The following CYP3A43 variants were observed in gnomAD, a reference collection of about 807,000 sequenced individuals.
The protein encoded by CYP3A43 is cytochrome P450 family 3 subfamily A member 43, also known as cytochrome P450 3A43.
In CYP3A43, 45 loss-of-function variants were observed where a neutral mutation model predicts 58.0. The observed-to-expected ratio is 0.78, with a 90% CI of 0.61 to 0.99. The LOEUF (loss-of-function observed/expected upper bound fraction) is 0.99. Ranked by LOEUF, CYP3A43 falls within the 50% of genes least tolerant of loss-of-function variation. The probability of loss-of-function intolerance (pLI) is 0.00; values close to 1 mark genes in which losing one functional copy is unlikely to be tolerated. For missense variants in CYP3A43, 593 were observed against 591.9 expected (o/e 1.00, Z -0.02); for synonymous variants, 191 against 201.4 (o/e 0.95, Z 0.44).
At chr7:99,857,059 T>C (rs1400571692) in intron 9 of CYP3A43, among the ~76,000 whole-genome samples, 160 bp downstream of exon 9, 6 of 152,178 alleles carry the variant, frequency 3.9e-5, no homozygotes, top group Non-Finnish European at 7.3e-5. Flanking sequence ...AGGCACTTTC[T>C]AGAAGCACAC....
intron 1 of CYP3A43, among the ~76,000 whole-genome samples, chr7:99,836,121 T>G (rs1817065662): frequency 6.6e-5 from 10 of 152,166 alleles, no homozygotes; most frequent in Admixed American, 6.5e-4. Flanking sequence ...CCAGTATATC[T>G]GTCTTTGGTC....
chr7:99,857,041 A>T (rs1818009724), intron 9 of CYP3A43, 142 bp downstream of exon 9: 3 of 1,049,560 alleles, frequency 2.9e-6, no homozygotes, highest in Middle Eastern at 2.1e-4. Context: ...GTTATAAATG[A>T]TAGCTGGAGG....
chr7:99,836,527 C>T lies in CYP3A43; in HGVS notation c.146C>T (p.Thr49Ile), dbSNP rs1339715387. Reference sequence around the variant, plus strand: ...CCAACCCCTCTGCCTTTTCTGGGAACTATTTTGTTCTACCTTAGGGTAAGT... The same window carrying T: ...CCAACCCCTCTGCCTTTTCTGGGAATTATTTTGTTCTACCTTAGGGTAAGT... ...PGPTPLPFLG[T>I]ILFYLRGLWN... The change falls in exon 2 of 13, where the codon ACT becomes ATT. Residue 49 changes from threonine (T) to isoleucine (I), a missense_variant. Physicochemically the swap from Thr to Ile is moderately conservative, Grantham distance 89. Transcript: ENST00000354829. 6.3e-7 allele frequency: 1 copy of T among 1,598,848 alleles called. No individual in the cohort carries two copies.
At chr7:99,859,231 G>A (rs1818120258) in intron 9 of CYP3A43, among the ~76,000 whole-genome samples, 2 of 152,170 alleles carry the variant, frequency 1.3e-5, no homozygotes, top group African/African-American at 4.8e-5. Context: ...GGTAGGGTTT[G>A]AGATTCTGCA....
Position 99,835,062 on chromosome 7 carries a change from T to C in CYP3A43, c.72-1391T>C, listed in dbSNP as rs111929689. Among the ~76,000 whole-genome samples, 203 of 152,286 alleles carry C rather than the reference T, an allele frequency of 1.3e-3. 1 individual carries two copies. Among genetic ancestry groups the C allele is most frequent in the African/African-American group, 4.5e-3 (186 of 41,556 alleles). ...AGAATGACTTATGAACCCAGAATTG[T>C]GGGGTTGGACACATCTGAGTTCTTC... is the stretch of plus-strand genomic sequence containing the variant. On this transcript the variant is annotated intron_variant, in intron 1 of 12. Coordinates refer to ENST00000354829, the MANE Select transcript of CYP3A43 (RefSeq NM_057095.3).
At chr7:99,855,321 T>C (rs574888338) in intron 7 of CYP3A43, among the ~76,000 whole-genome samples, 32 of 152,280 alleles carry the variant, frequency 2.1e-4, no homozygotes, top group Non-Finnish European at 4.3e-4. Context: ...GGAATTTAAT[T>C]CTGTTCCTTT....
At position 99,861,826 on chromosome 7, in the gene CYP3A43, T is replaced by A; in HGVS notation, c.1240T>A (p.Phe414Ile). Residue 414 changes from phenylalanine (F) to isoleucine (I), a missense_variant, in exon 11 of 13, where the codon TTC (phenylalanine) becomes ATC (isoleucine). Coordinates refer to ENST00000354829, the MANE Select transcript of CYP3A43 (RefSeq NM_057095.3). ...AAAGTACTGGACAGAGCCTGAGAAG[T>A]TCTGCCCTGAAAGGTACAAGGCCCC... ...DPKYWTEPEK[F>I]CPERFSKKNK... 6.2e-7 allele frequency: 1 copy of A among 1,613,498 alleles called. No individual in the cohort carries two copies. The highest frequency in any genetic ancestry group is 1.1e-5 in the South Asian group (1 of 91,034).
At chr7:99,836,912 C>T (rs924345030) in intron 2 of CYP3A43, among the ~76,000 whole-genome samples, 2 of 152,184 alleles carry the variant, frequency 1.3e-5, no homozygotes, top group Admixed American at 6.5e-5. Flanking sequence ...ATGGGAGCCC[C>T]AGTAGCGCTC....
chr7:99,852,437 T>C (rs1817797511), intron 7 of CYP3A43, among the ~76,000 whole-genome samples: 1 of 152,178 alleles, frequency 6.6e-6, no homozygotes, highest in Admixed American at 6.5e-5. Context: ...CACGGGGTGG[T>C]GATTCCTTTT....
chr7:99,848,155 T>C lies in CYP3A43; in HGVS notation c.433-11T>C, dbSNP rs200952381. 6.2e-7 allele frequency: 1 copy of C among 1,613,774 alleles called. No individual in the cohort carries two copies. The highest frequency in any genetic ancestry group is 8.5e-7 in the Non-Finnish European group (1 of 1,179,782). ...TCTGCGTAGTTAACTATGGGTGGTG[T>C]TGTGTTTTAGATGGTCCCCATCATT... On this transcript the variant is annotated splice_polypyrimidine_tract_variant and intron_variant, in intron 5 of 12. Coordinates refer to ENST00000354829, the MANE Select transcript of CYP3A43 (RefSeq NM_057095.3).
At chr7:99,830,517 TAAAAGAAAAAA>T (rs1026945029) in intron 1 of CYP3A43, among the ~76,000 whole-genome samples, 1 of 149,358 alleles carries the variant, frequency 6.7e-6, no homozygotes, top group African/African-American at 2.5e-5. Context: ...AAACTTAGTC[TAAAAGAAAAAA>T]AAAAGAAAAA....
chr7:99,850,300 T>C (rs1817710663), intron 7 of CYP3A43, among the ~76,000 whole-genome samples: 1 of 151,734 alleles, frequency 6.6e-6, no homozygotes, highest in South Asian at 2.1e-4. Context: ...TCTAACTCTG[T>C]TGCCAGGCTG....
chr7:99,833,572 C>T lies in CYP3A43; in HGVS notation c.72-2881C>T, dbSNP rs1480681844. ...CAGGCAGTTAGTTTTTAAAAGACTC[C>T]AGCTCTTTCTCTTTTTCAGGGGAAG... On this transcript the variant is annotated intron_variant, in intron 1 of 12. Transcript: ENST00000354829. Among the ~76,000 whole-genome samples the T allele has an allele frequency of 2.0e-5, 3 of 152,162 alleles. No individual in the cohort carries two copies. The East Asian group carries it at 5.8e-4, about 29-fold the overall frequency.
intron 1 of CYP3A43, among the ~76,000 whole-genome samples, chr7:99,828,476 C>T (rs1229768245): frequency 6.6e-6 from 1 of 152,062 alleles, no homozygotes; most frequent in African/African-American, 2.4e-5. Flanking sequence ...GCCAGACCAA[C>T]ATGGTGAAAC....
At chr7:99,862,943 C>T (rs1818296447) in intron 11 of CYP3A43, among the ~76,000 whole-genome samples, 1 of 152,210 alleles carries the variant, frequency 6.6e-6, no homozygotes, top group South Asian at 2.1e-4. Flanking sequence ...TTGTACTTCT[C>T]TTTGCATCAT....
chr7:99,857,789 G>A (rs1385010461), intron 9 of CYP3A43, among the ~76,000 whole-genome samples: 1 of 152,146 alleles, frequency 6.6e-6, no homozygotes, highest in Non-Finnish European at 1.5e-5. Context: ...GTTGCAGTGA[G>A]CCAAGATCAC....
chr7:99,837,622 T>A (rs895722265), intron 2 of CYP3A43, among the ~76,000 whole-genome samples: 7 of 152,214 alleles, frequency 4.6e-5, no homozygotes, highest in Non-Finnish European at 5.9e-5. Context: ...ACTTCAGATA[T>A]TTAACCACAA....
At chr7:99,838,725 A>C in intron 2 of CYP3A43, 1 of 1,231,808 alleles carries the variant, frequency 8.1e-7, no homozygotes, top group Non-Finnish European at 1.1e-6. Flanking sequence ...CACGCCTGTA[A>C]TCCCAGCACT....
At position 99,849,605 on chromosome 7, in the gene CYP3A43, A is replaced by G; in HGVS notation, c.581A>G (p.Asp194Gly). Residue 194 changes from aspartate (D) to glycine (G), a missense_variant, in exon 7 of 13, where the codon GAT (aspartate) becomes GGT (glycine). Transcript: ENST00000354829. ...ITGTLFGVNL[D>G]SLNNPQDPFL... ...GGCACATTATTTGGAGTGAACTTGG[A>G]TTCTCTCAACAATCCACAAGATCCC... is the stretch of plus-strand genomic sequence containing the variant. The G allele has an allele frequency of 6.2e-7, 1 of 1,613,062 alleles. No homozygotes were observed. Among genetic ancestry groups the G allele is most frequent in the Non-Finnish European group, 8.5e-7 (1 of 1,179,768 alleles).
Sources: gnomAD v4.1 joint callset for allele counts (sites outside exome capture counted in the v4.1 genomes callset) on GRCh38, gnomAD v4.1.1 for gene constraint, MANE v1.5 for transcripts, NCBI Gene and HGNC (gene_info 2026-07-23, HGNC 2026-07-21) for gene names.